Variants in COL4A4 observed in about 807,000 individuals in gnomAD.
The protein encoded by COL4A4 is collagen type IV alpha 4 chain.
In COL4A4, 105 loss-of-function variants were observed where a neutral mutation model predicts 192.9. The ratio of observed to expected loss-of-function variants is 0.54; its 90% CI spans 0.46 to 0.64. COL4A4 has a LOEUF of 0.64. Among genes scored for constraint, COL4A4 ranks in the 30% least tolerant of loss-of-function variants. COL4A4 has a pLI of 0.00. For synonymous variants in COL4A4, 762 were observed against 769.9 expected (o/e 0.99, Z 0.17); for missense variants, 1,967 against 2,169.3 (o/e 0.91, Z 1.85).
chr2:227,041,848 G>GAAAGAAAGAA (rs1243663359), intron 37 of COL4A4, among the ~76,000 whole-genome samples: 4 of 38,730 alleles, frequency 1.0e-4, no homozygotes, highest in Non-Finnish European at 1.4e-4. Context: ...AAGAAAGAAA[G>GAAAGAAAGAA]AGAAAGAAAG....
chr2:227,155,892 C>T lies in COL4A4; in HGVS notation c.-102+8115G>A, dbSNP rs77247087. Among the ~76,000 whole-genome samples the T allele has an allele frequency of 7.9e-3, 1,206 of 152,296 alleles. 17 individuals carry two copies. Among genetic ancestry groups the T allele is most frequent in the African/African-American group, 0.027 (1,140 of 41,544 alleles). Reference sequence around the variant, plus strand: ...AATTATGCAACTAAAAATTACACTTCGCCATGTAATCCTTAGCAAGTTTGT... The same window carrying T: ...AATTATGCAACTAAAAATTACACTTTGCCATGTAATCCTTAGCAAGTTTGT... On this transcript the variant is annotated intron_variant, in intron 1 of 47. Transcript: ENST00000396625.
In COL4A4 at chr2:227,006,821, GTA is replaced by G. The variant is rs1054564223; in HGVS notation, c.*502_*503del. On this transcript the variant is annotated 3_prime_UTR_variant, in exon 48 of 48. Transcript: ENST00000396625. The stretch of plus-strand genomic sequence containing the variant: ...CGTCATGGTTTTACCATTATTTAAA[GTA>G]TATGGAAAAATAGATTACAGAGGAA... 1 of 157,692 alleles carries G rather than the reference GTA, an allele frequency of 6.3e-6. No homozygotes were observed. Among genetic ancestry groups the G allele is most frequent in the African/African-American group, 2.4e-5 (1 of 41,212 alleles). 9.8% of individuals were successfully genotyped at this position (157,692 alleles called of 1,614,324 possible). A position where few individuals can be genotyped will look rare whatever the true frequency, so the allele number is the denominator to read the frequency against.
At chr2:227,064,212 A>G (rs1399506905) in intron 25 of COL4A4, among the ~76,000 whole-genome samples, 1 of 152,230 alleles carries the variant, frequency 6.6e-6, no homozygotes, top group East Asian at 1.9e-4. Flanking sequence ...GACAGATATC[A>G]TCAAGAAAAA....
chr2:227,143,017 C>T (rs2063323572), intron 3 of COL4A4, among the ~76,000 whole-genome samples: 1 of 145,700 alleles, frequency 6.9e-6, no homozygotes, highest in African/African-American at 2.8e-5. Flanking sequence ...CACACACACA[C>T]ACGCACACAC....
chr2:227,049,059 T>C (rs1973498081), intron 34 of COL4A4, among the ~76,000 whole-genome samples: 1 of 152,218 alleles, frequency 6.6e-6, no homozygotes, highest in Admixed American at 6.5e-5. Flanking sequence ...AAATAAAGGA[T>C]AACTGCATGT....
intron 37 of COL4A4, among the ~76,000 whole-genome samples, chr2:227,041,856 A>AAGAAAGAGAGAGAGAG (rs1971363020): frequency 1.0e-5 from 1 of 96,974 alleles, no homozygotes; most frequent in Non-Finnish European, 2.1e-5. Flanking sequence ...AAGAGAAAGA[A>AAGAAAGAGAGAGAGAG]AGAAAGAAAG....
chr2:227,104,729 C>T (rs1157899081), intron 12 of COL4A4, among the ~76,000 whole-genome samples: 1 of 150,604 alleles, frequency 6.6e-6, no homozygotes, highest in African/African-American at 2.4e-5. Context: ...CAACCTCCGC[C>T]TCCCGGGTTC....
chr2:227,024,423 A>G (rs923883925), intron 43 of COL4A4, among the ~76,000 whole-genome samples: 1 of 152,170 alleles, frequency 6.6e-6, no homozygotes, highest in Non-Finnish European at 1.5e-5. Flanking sequence ...GAGGTAGGAA[A>G]ACTGCTTGAA....
At chr2:227,025,659 C>T (rs560765798) in intron 43 of COL4A4, 143 bp downstream of exon 43, 744 of 714,446 alleles carry the variant, frequency 1.0e-3, no homozygotes, top group Non-Finnish European at 1.4e-3. Flanking sequence ...GGAAGCAAAA[C>T]ACTGCAGCTT....
chr2:227,076,914 A>G (rs939510724), intron 25 of COL4A4, among the ~76,000 whole-genome samples: 2 of 152,218 alleles, frequency 1.3e-5, no homozygotes, highest in Admixed American at 6.5e-5. Flanking sequence ...GTCATTAGAG[A>G]AATGCAAATC....
At chr2:227,025,773 G>A in intron 43 of COL4A4, 29 bp downstream of exon 43, 1 of 1,605,976 alleles carries the variant, frequency 6.2e-7, no homozygotes, top group Non-Finnish European at 8.5e-7. Context: ...AGAGTGAGGG[G>A]AAATTACCAA....
At chr2:226,999,296 TC>T (rs1960367025), downstream of COL4A4, 1 of 152,106 alleles carries the variant, frequency 6.6e-6, no homozygotes, top group Non-Finnish European at 1.5e-5. Context: ...CTTTTTTTTT[TC>T]CCTTGAATCA....
Position 227,045,390 on chromosome 2 carries a change from T to C in COL4A4, c.3289+2085A>G, listed in dbSNP as rs569594656. Among the ~76,000 whole-genome samples the C allele has an allele frequency of 5.3e-5, 8 of 152,214 alleles. No homozygotes were observed. The East Asian group carries it at 1.5e-3, about 29-fold the overall frequency. ...CCTTCTGAGGCTTCTCACTTTGATATTTGTCATGAACTCCCATAATGCTGA... is the reference window on the plus strand; with the variant it reads ...CCTTCTGAGGCTTCTCACTTTGATACTTGTCATGAACTCCCATAATGCTGA... On this transcript the variant is annotated intron_variant, in intron 35 of 47. Coordinates refer to ENST00000396625, the MANE Select transcript of COL4A4 (RefSeq NM_000092.5).
At chr2:227,149,723 T>C (rs2063793046) in intron 1 of COL4A4, among the ~76,000 whole-genome samples, 1 of 152,198 alleles carries the variant, frequency 6.6e-6, no homozygotes, top group East Asian at 1.9e-4. Flanking sequence ...AAAATTCACA[T>C]GTATTGTGAT....
intron 25 of COL4A4, among the ~76,000 whole-genome samples, chr2:227,068,676 C>T (rs1161786024): frequency 2.0e-5 from 3 of 151,436 alleles, no homozygotes; most frequent in Admixed American, 6.6e-5. Context: ...AACTTTCATG[C>T]TAAAAACTCT....
At chr2:227,014,702 ATTTCT>A (rs142230956) in intron 44 of COL4A4, among the ~76,000 whole-genome samples, 3,418 of 151,704 alleles carry the variant, frequency 0.023, 60 homozygotes, top group Non-Finnish European at 0.033. Flanking sequence ...CTGCTCTTTT[ATTTCT>A]TTTGTGTTTT....
In COL4A4 at chr2:227,144,430, G is replaced by A. The variant is rs2063412092; in HGVS notation, c.114+86C>T. Reference sequence around the variant, plus strand: ...CAGGTAAGAAAATTGAGTCCCAGAGGGTGATTTCTTTGAAAGTATAACAAA... The same window carrying A: ...CAGGTAAGAAAATTGAGTCCCAGAGAGTGATTTCTTTGAAAGTATAACAAA... On this transcript the variant is annotated intron_variant, in intron 3 of 47. Coordinates refer to ENST00000396625, the MANE Select transcript of COL4A4 (RefSeq NM_000092.5). 5 of 1,145,878 alleles carry A rather than the reference G, an allele frequency of 4.4e-6. No individual in the cohort carries two copies. In the Admixed American group the frequency reaches 5.2e-5, roughly 12 times the overall value. 71.0% of individuals were successfully genotyped at this position (1,145,878 alleles called of 1,614,324 possible). A position where few individuals can be genotyped will look rare whatever the true frequency, so the allele number is the denominator to read the frequency against.
intron 26 of COL4A4, among the ~76,000 whole-genome samples, chr2:227,061,883 C>A (rs1229966392): frequency 6.6e-6 from 1 of 152,048 alleles, no homozygotes; most frequent in African/African-American, 2.4e-5. Context: ...GTAAAACTTA[C>A]AATCAATAAA....
chr2:227,118,512 C>A, intron 7 of COL4A4, 133 bp downstream of exon 7: 1 of 733,952 alleles, frequency 1.4e-6, no homozygotes, highest in South Asian at 1.6e-5. Context: ...TCCTTATCCC[C>A]CAGCCACTCC....
Sources: allele counts gnomAD v4.1 joint callset (sites outside exome capture counted in the v4.1 genomes callset), GRCh38; gene constraint gnomAD v4.1.1; transcripts MANE v1.5; gene names NCBI Gene and HGNC (gene_info 2026-07-23, HGNC 2026-07-21).